Variants in ABCA6 observed in about 807,000 individuals in gnomAD.
ABCA6 encodes the protein ATP-binding cassette sub-family A member 6.
A neutral mutation model predicts 191.2 loss-of-function variants in ABCA6; 164 were observed. That is an observed-to-expected ratio of 0.86 (90% CI 0.76 to 0.98). ABCA6 has a LOEUF of 0.98. ABCA6 is among the 50% of genes least tolerant of loss of function. The probability of loss-of-function intolerance (pLI) is 0.00; values close to 1 mark genes in which losing one functional copy is unlikely to be tolerated. For synonymous variants in ABCA6, 636 were observed against 647.7 expected (o/e 0.98, Z 0.27); for missense variants, 1,958 against 1,894.1 (o/e 1.03, Z -0.63).
chr17:69,085,519 C>CAAAAAAAAA (rs35438104), intron 31 of ABCA6, 106 bp downstream of exon 31: 27 of 474,546 alleles, frequency 5.7e-5, no homozygotes, highest in African/African-American at 3.0e-4. Context: ...TATCCAAAGG[C>CAAAAAAAAA]AAAAAAAAAA....
At chr17:69,086,184 C>T (rs2072783453) in intron 30 of ABCA6, among the ~76,000 whole-genome samples, 4 of 152,136 alleles carry the variant, frequency 2.6e-5, no homozygotes, top group Admixed American at 6.5e-5. Flanking sequence ...AATCTGTAAT[C>T]TTTTCAAAAT....
chr17:69,086,139 C>T (rs2072781665), intron 30 of ABCA6, among the ~76,000 whole-genome samples: 1 of 151,940 alleles, frequency 6.6e-6, no homozygotes, highest in Non-Finnish European at 1.5e-5. Flanking sequence ...CTGAACTTGT[C>T]CCCCCCAACC....
At chr17:69,091,406 C>T in intron 25 of ABCA6, 144 bp from the exon 26 acceptor site, 1 of 834,066 alleles carries the variant, frequency 1.2e-6, no homozygotes, top group Non-Finnish European at 1.8e-6. Flanking sequence ...ATAGTTTCTC[C>T]TTTTAGAGAC....
chr17:69,135,289 T>C (rs1315791678), intron 4 of ABCA6: 1 of 152,590 alleles, frequency 6.6e-6, no homozygotes, highest in Non-Finnish European at 1.5e-5. Flanking sequence ...TCTTAGAAAA[T>C]AAAAAGGAGA....
intron 7 of ABCA6, 90 bp from the exon 8 acceptor site, chr17:69,128,894 T>C (rs1245287813): frequency 4.0e-6 from 4 of 998,140 alleles, no homozygotes; most frequent in Non-Finnish European, 5.8e-6. Context: ...GATTTTTATA[T>C]CATAACATAA....
chr17:69,123,309 C>T lies in ABCA6; in HGVS notation c.1366G>A (p.Asp456Asn), dbSNP rs769159581. Reference protein sequence around the residue: ...TNAKVIEKEIDAEHPSDDYFE... With the variant: ...TNAKVIEKEINAEHPSDDYFE... ...TAATCATCAGAGGGATGCTCAGCAT[C>T]GATTTCTTTCTCAATAACCTTAGCA... The change falls in exon 10 of 39, where the codon GAT (aspartate) becomes AAT (asparagine). Residue 456 changes from aspartate to asparagine, a missense_variant. By Grantham distance (23) the Asp-to-Asn change is conservative (BLOSUM62 1). Coordinates refer to ENST00000284425, the MANE Select transcript of ABCA6 (RefSeq NM_080284.3). 10 of 1,574,126 alleles carry T rather than the reference C, an allele frequency of 6.4e-6. No individual in the cohort carries two copies. Among genetic ancestry groups the T allele is most frequent in the South Asian group, 5.9e-5 (5 of 84,156 alleles).
intron 18 of ABCA6, among the ~76,000 whole-genome samples, chr17:69,107,064 C>T (rs2073322725): frequency 6.6e-6 from 1 of 152,154 alleles, no homozygotes; most frequent in South Asian, 2.1e-4. Flanking sequence ...AGATCATCAG[C>T]TCTGAACTAC....
intron 18 of ABCA6, 97 bp downstream of exon 18, chr17:69,107,599 T>G: frequency 4.4e-5 from 37 of 850,378 alleles, no homozygotes; most frequent in East Asian, 7.6e-5. Flanking sequence ...TGAAATCACA[T>G]TTCTTAGTGT....
intron 30 of ABCA6, among the ~76,000 whole-genome samples, 161 bp downstream of exon 30, chr17:69,086,457 C>A (rs1209639151): frequency 6.9e-6 from 1 of 144,894 alleles, no homozygotes; most frequent in Non-Finnish European, 1.5e-5. Flanking sequence ...ATTGTATTTC[C>A]AGAGTCTAAA....
intron 18 of ABCA6, among the ~76,000 whole-genome samples, chr17:69,107,236 TTAATC>T (rs1289232920): frequency 5.3e-5 from 8 of 152,122 alleles, no homozygotes; most frequent in Non-Finnish European, 8.8e-5. Flanking sequence ...TAGCCATACA[TTAATC>T]TAAGTGTCTG....
rs759749269 is a variant in ABCA6, at chr17:69,081,061, C to T, written c.4696+5G>A. On this transcript the variant is annotated splice_donor_5th_base_variant and intron_variant, in intron 37 of 38. Coordinates refer to ENST00000284425, the MANE Select transcript of ABCA6 (RefSeq NM_080284.3). The stretch of plus-strand genomic sequence containing the variant: ...AAAGATTTATTTGAATGTGGTCACT[C>T]TTACCTGCTTCTAATTTGTGAAAGG... 3.8e-5 allele frequency: 59 copies of T among 1,573,210 alleles called. No homozygotes were observed. The highest frequency in any genetic ancestry group is 5.1e-5 in the Non-Finnish European group (59 of 1,152,474).
chr17:69,129,206 C>T (rs989235227), intron 7 of ABCA6, among the ~76,000 whole-genome samples: 3 of 151,702 alleles, frequency 2.0e-5, no homozygotes, highest in African/African-American at 4.8e-5. Context: ...CGGAGTGAAA[C>T]GAGAAGTAAG....
intron 11 of ABCA6, among the ~76,000 whole-genome samples, chr17:69,116,315 C>G (rs5025273): frequency 0.57 from 86,867 of 151,900 alleles, 26,866 homozygotes; most frequent in Non-Finnish European, 0.7. Context: ...TAAAATGGTA[C>G]ATGTAAATCA....
chr17:69,118,332 TTA>T (rs1337220516), intron 10 of ABCA6, among the ~76,000 whole-genome samples: 2 of 152,050 alleles, frequency 1.3e-5, no homozygotes, highest in Non-Finnish European at 2.9e-5. Flanking sequence ...GCTTATTAGT[TTA>T]TGAGTCAGAC....
intron 31 of ABCA6, 45 bp from the exon 32 acceptor site, chr17:69,085,227 C>CAATAGCGT (rs990946108): frequency 6.5e-7 from 1 of 1,548,680 alleles, no homozygotes. Context: ...GCCTTTATTC[C>CAATAGCGT]AATAGCGTAA....
At chr17:69,081,363 A>G (rs2072630866) in intron 36 of ABCA6, among the ~76,000 whole-genome samples, 1 of 152,214 alleles carries the variant, frequency 6.6e-6, no homozygotes, top group Non-Finnish European at 1.5e-5. Context: ...ATAATTATAT[A>G]TGTGCTCAGC....
chr17:69,111,663 T>A (rs897623000), intron 16 of ABCA6: 1 of 152,566 alleles, frequency 6.6e-6, no homozygotes, highest in East Asian at 1.9e-4. Context: ...CGCCGAACTG[T>A]GAGTCAATTA....
chr17:69,100,823 G>A lies in ABCA6; in HGVS notation c.2986C>T (p.Arg996Ter), dbSNP rs143975041. Residue 996 changes from arginine to a stop codon, truncating the protein, a stop_gained, in exon 22 of 39, where the codon CGA becomes TGA. Coordinates refer to ENST00000284425, the MANE Select transcript of ABCA6 (RefSeq NM_080284.3). LOFTEE classifies it high-confidence loss of function. ...AGAGGAAATGGGCTTGACTCAATTC[G>A]AATATGTTGTGTGTGATTAAACATT... ...LQMFNHTQHIRIESSPFPLSH... is the reference protein window; with the variant it reads ...LQMFNHTQHI 68 of 1,610,960 alleles carry A rather than the reference G, an allele frequency of 4.2e-5. No individual in the cohort carries two copies. The highest frequency in any genetic ancestry group is 5.3e-5 in the Non-Finnish European group (62 of 1,178,856).
At position 69,136,158 on chromosome 17, in the gene ABCA6, T is replaced by G. The variant is rs201095936; in HGVS notation, c.394A>C (p.Thr132Pro). Reference protein sequence around the residue: ...PYAMGIIFNETFSYKLIFFQG... With the variant: ...PYAMGIIFNEPFSYKLIFFQG... The stretch of plus-strand genomic sequence containing the variant: ...AAAAATATTAACTTATAAGAGAAAG[T>G]TTCATTAAAGATGATTCCCATAGCA... Residue 132 changes from threonine to proline, a missense_variant, in exon 4 of 39, where the codon ACT (threonine) becomes CCT (proline). By Grantham distance (38) the Thr-to-Pro change is conservative. Coordinates refer to ENST00000284425, the MANE Select transcript of ABCA6 (RefSeq NM_080284.3). The G allele has an allele frequency of 1.4e-4, 228 of 1,606,824 alleles. No individual in the cohort carries two copies. The highest frequency in any genetic ancestry group is 1.8e-4 in the Non-Finnish European group (210 of 1,175,932).
Sources: allele counts gnomAD v4.1 joint callset (sites outside exome capture counted in the v4.1 genomes callset), GRCh38; gene constraint gnomAD v4.1.1; transcripts MANE v1.5; gene names NCBI Gene and HGNC (gene_info 2026-07-23, HGNC 2026-07-21).